Variants in TOP1 observed in about 807,000 individuals in gnomAD.
The protein encoded by TOP1 is DNA topoisomerase 1.
A neutral mutation model predicts 111.1 loss-of-function variants in TOP1; 10 were observed. That is an observed-to-expected ratio of 0.09 (90% CI 0.06 to 0.15). The LOEUF (loss-of-function observed/expected upper bound fraction) is 0.15, where lower values mean the gene tolerates loss of function less well. Ranked by LOEUF, TOP1 falls within the 10% of genes least tolerant of loss-of-function variation. TOP1 has a pLI of 1.00. For synonymous variants in TOP1, 271 were observed against 302.9 expected, an observed-to-expected ratio of 0.89 and a Z score of 1.10; for missense variants, 474 against 926.7, an observed-to-expected ratio of 0.51 and a Z score of 6.34.
rs1174177315 is a variant in TOP1, at chr20:41,122,877, A to C, written c.2196-318A>C. Among the ~76,000 whole-genome samples the C allele has an allele frequency of 6.6e-6, 1 of 152,206 alleles. No homozygotes were observed. Among genetic ancestry groups the C allele is most frequent in the Non-Finnish European group, 1.5e-5 (1 of 68,040 alleles). ...TAGTATAGTGGTTAAGAACATGGAG[A>C]AAAACTGCTTGGGTTCAAATTTCAG... On this transcript the variant is annotated intron_variant, in intron 20 of 20. Transcript: ENST00000361337. The surrounding 1 kb of genome is among the most constrained non-coding windows in gnomAD (Gnocchi z 5.4).
At chr20:41,051,817 A>G (rs929133205) in intron 2 of TOP1, among the ~76,000 whole-genome samples, 6 of 152,134 alleles carry the variant, frequency 3.9e-5, no homozygotes, top group East Asian at 1.9e-4. Flanking sequence ...ATGCACATAT[A>G]CAACCTGAGC....
rs2034262706 is a variant in TOP1, at chr20:41,112,734, T to C, written c.1309-48T>C. On this transcript the variant is annotated intron_variant, in intron 13 of 20. Coordinates refer to ENST00000361337, the MANE Select transcript of TOP1 (RefSeq NM_003286.4). The surrounding 1 kb of genome is among the most constrained non-coding windows in gnomAD (Gnocchi z 5.8). ...CCTGGCTATATTCAAAGTCTGTCTT[T>C]ACTACACTGTCCCAAAGTAATCTAC... The C allele has an allele frequency of 6.2e-7, 1 of 1,606,212 alleles. No homozygotes were observed. The highest frequency in any genetic ancestry group is 8.5e-7 in the Non-Finnish European group (1 of 1,175,212).
chr20:41,028,865 T>G lies in TOP1; in HGVS notation c.-203T>G. On this transcript the variant is annotated 5_prime_UTR_variant, in exon 1 of 21. Coordinates refer to ENST00000361337, the MANE Select transcript of TOP1 (RefSeq NM_003286.4). ...GTTACACAACTGCTGGGGTCTGTTC[T>G]CGCCGCCCGCCCGGCAGTCAGGCAG... 1 of 560,104 alleles carries G rather than the reference T, an allele frequency of 1.8e-6. No individual in the cohort carries two copies. Among genetic ancestry groups the G allele is most frequent in the Non-Finnish European group, 3.1e-6 (1 of 318,278 alleles). The allele number at this position is 560,104 out of a possible 1,614,324, so 34.7% of individuals were successfully genotyped here.
In TOP1 at chr20:41,116,462, G is replaced by T. The variant is rs2145968363; in HGVS notation, c.1822+70G>T. ...TATCCGGTGACCTTGCTTATCTAAG[G>T]CCTAGAGTCAGTTCTACTTTTTTTC... On this transcript the variant is annotated intron_variant, in intron 17 of 20. Transcript: ENST00000361337. This position sits in a 1 kb window ranked among gnomAD's most constrained non-coding sequence, Gnocchi z 5.6. 8.0e-7 allele frequency: 1 copy of T among 1,242,720 alleles called. No individual in the cohort carries two copies. The highest frequency in any genetic ancestry group is 2.4e-5 in the East Asian group (1 of 42,182). 77.0% of individuals were successfully genotyped at this position (1,242,720 alleles called of 1,614,324 possible).
rs1409597524 is a variant in TOP1 at position 41,092,828 on chromosome 20, G to C, written c.730+241G>C. The stretch of plus-strand genomic sequence containing the variant: ...TCCCTACATAGTCCAAAAAAGGTTT[G>C]TCAACATGGCTAACAGTGTGTGGTC... On this transcript the variant is annotated intron_variant, in intron 9 of 20. Coordinates refer to ENST00000361337, the MANE Select transcript of TOP1 (RefSeq NM_003286.4). This position sits in a 1 kb window ranked among gnomAD's most constrained non-coding sequence, Gnocchi z 4.3. Among the ~76,000 whole-genome samples, 2 of 152,180 alleles carry C rather than the reference G, an allele frequency of 1.3e-5. No individual in the cohort carries two copies. The highest frequency in any genetic ancestry group is 4.8e-5 in the African/African-American group (2 of 41,440).
At chr20:41,105,185 TTA>T (rs1286274191) in intron 13 of TOP1, among the ~76,000 whole-genome samples, 5 of 152,202 alleles carry the variant, frequency 3.3e-5, no homozygotes, top group African/African-American at 9.7e-5. Context: ...TGCAGTATAT[TTA>T]TGTGTTCATA....
At chr20:41,047,540 T>C (rs6102258) in intron 2 of TOP1, among the ~76,000 whole-genome samples, 7,796 of 152,140 alleles carry the variant, frequency 0.051, 662 homozygotes, top group African/African-American at 0.18. Context: ...AGGAAAAAAA[T>C]TGAAAGGAGA....
In TOP1 at chr20:41,100,375, C is replaced by T. The variant is rs1003061433; in HGVS notation, c.1163+132C>T. 1 of 656,890 alleles carries T rather than the reference C, an allele frequency of 1.5e-6. No individual in the cohort carries two copies. Among genetic ancestry groups the T allele is most frequent in the East Asian group, 2.8e-5 (1 of 35,746 alleles). The allele number at this position is 656,890 out of a possible 1,614,324, so 40.7% of individuals were successfully genotyped here. On this transcript the variant is annotated intron_variant, in intron 12 of 20. Coordinates refer to ENST00000361337, the MANE Select transcript of TOP1 (RefSeq NM_003286.4). The surrounding 1 kb of genome is among the most constrained non-coding windows in gnomAD (Gnocchi z 4.4). ...CTTAAGAGCAGGACAGTATTTCATGCGTAGGTCTCCAGATGTTTTTGAGGT... is the reference window on the plus strand; with the variant it reads ...CTTAAGAGCAGGACAGTATTTCATGTGTAGGTCTCCAGATGTTTTTGAGGT...
chr20:41,041,365 A>C (rs906126410), intron 2 of TOP1, among the ~76,000 whole-genome samples: 5 of 146,786 alleles, frequency 3.4e-5, no homozygotes, highest in African/African-American at 1.3e-4. Flanking sequence ...AAGGAGGATC[A>C]GTTGAGCCTA....
At chr20:41,063,554 A>C (rs953917170) in intron 3 of TOP1, among the ~76,000 whole-genome samples, 1 of 152,206 alleles carries the variant, frequency 6.6e-6, no homozygotes, top group Admixed American at 6.5e-5. Flanking sequence ...TTACATTCTC[A>C]TCAACAGTGT....
chr20:41,123,439 TGGAGATATTATAAG>T lies in TOP1; in HGVS notation c.*148_*161del. ...CAACATCTTTGCGAAAAGATAAACC[TGGAGATATTATAAG>T]GGAGAGCTGAGCCAGTTGTCCTATG... On this transcript the variant is annotated 3_prime_UTR_variant, in exon 21 of 21. Transcript: ENST00000361337. This position sits in a 1 kb window ranked among gnomAD's most constrained non-coding sequence, Gnocchi z 5.8. 1.7e-6 allele frequency: 1 copy of T among 586,686 alleles called. No homozygotes were observed. Among genetic ancestry groups the T allele is most frequent in the Non-Finnish European group, 3.0e-6 (1 of 332,622 alleles). 36.3% of individuals were successfully genotyped at this position (586,686 alleles called of 1,614,324 possible). A position where few individuals can be genotyped will look rare whatever the true frequency, so the allele number is the denominator to read the frequency against.
intron 2 of TOP1, among the ~76,000 whole-genome samples, chr20:41,031,579 T>C (rs1299254541): frequency 6.6e-6 from 1 of 152,250 alleles, no homozygotes; most frequent in African/African-American, 2.4e-5. Flanking sequence ...ATTGAATACT[T>C]ACTGCCAGGC....
chr20:41,041,714 C>T (rs76212001), intron 2 of TOP1, among the ~76,000 whole-genome samples: 10,005 of 152,188 alleles, frequency 0.066, 354 homozygotes, highest in Middle Eastern at 0.17. Context: ...TGAAAATCTG[C>T]ATTTTTAATG....
intron 2 of TOP1, among the ~76,000 whole-genome samples, chr20:41,056,175 T>G (rs912990688): frequency 3.9e-5 from 6 of 152,206 alleles, no homozygotes; most frequent in Non-Finnish European, 7.4e-5. Context: ...CTTTAGAGAT[T>G]CTTTAATCTG....
In TOP1 at chr20:41,030,160, A is replaced by G. The variant is rs1425769685; in HGVS notation, c.58+705A>G. ...TTTGCAAAGGTAGCAGTACCTCCCT[A>G]AAGAAAGTTTGCAAGTTCTCTGTGG... On this transcript the variant is annotated intron_variant, in intron 2 of 20. Transcript: ENST00000361337. This position sits in a 1 kb window ranked among gnomAD's most constrained non-coding sequence, Gnocchi z 4.1. Among the ~76,000 whole-genome samples the G allele has an allele frequency of 6.6e-6, 1 of 152,128 alleles. No individual in the cohort carries two copies. Among genetic ancestry groups the G allele is most frequent in the Non-Finnish European group, 1.5e-5 (1 of 68,014 alleles).
chr20:41,081,922 C>T (rs960484259), intron 7 of TOP1, among the ~76,000 whole-genome samples: 1 of 152,158 alleles, frequency 6.6e-6, no homozygotes, highest in Non-Finnish European at 1.5e-5. Context: ...AACTCAGTTC[C>T]GTTTAAATGC....
chr20:41,062,412 T>C (rs1028390988), intron 3 of TOP1, among the ~76,000 whole-genome samples: 11 of 152,228 alleles, frequency 7.2e-5, no homozygotes, highest in African/African-American at 1.9e-4. Flanking sequence ...ATTTTCTCTA[T>C]TGGGGACATT....
Position 41,110,177 on chromosome 20 carries a change from C to G in TOP1, c.1309-2605C>G, listed in dbSNP as rs2034211927. ...GCGCACACCTGTAATCTCAGCTATTCAGGAGGCTGAGACATGGGAATCGCT... is the reference window on the plus strand; with the variant it reads ...GCGCACACCTGTAATCTCAGCTATTGAGGAGGCTGAGACATGGGAATCGCT... On this transcript the variant is annotated intron_variant, in intron 13 of 20. Coordinates refer to ENST00000361337, the MANE Select transcript of TOP1 (RefSeq NM_003286.4). This position sits in a 1 kb window ranked among gnomAD's most constrained non-coding sequence, Gnocchi z 4.2. Among the ~76,000 whole-genome samples, 1 of 152,028 alleles carries G rather than the reference C, an allele frequency of 6.6e-6. No individual in the cohort carries two copies. Among genetic ancestry groups the G allele is most frequent in the Non-Finnish European group, 1.5e-5 (1 of 68,016 alleles).
At chr20:41,059,106 G>T (rs1478535567) in intron 2 of TOP1, among the ~76,000 whole-genome samples, 1 of 152,060 alleles carries the variant, frequency 6.6e-6, no homozygotes, top group African/African-American at 2.4e-5. Context: ...CTTATAAGTG[G>T]GAGCTAAATG....
Sources: allele counts gnomAD v4.1 joint callset (sites outside exome capture counted in the v4.1 genomes callset), GRCh38; gene constraint gnomAD v4.1.1; non-coding constraint Gnocchi (gnomAD v3.1); transcripts MANE v1.5; gene names NCBI Gene and HGNC (gene_info 2026-07-23, HGNC 2026-07-21).